The following PCDHGA3 variants were observed in gnomAD, a reference collection of about 807,000 sequenced individuals.
The protein encoded by PCDHGA3 is protocadherin gamma subfamily A, 3.
Under a neutral mutation model 58.5 loss-of-function variants are expected in PCDHGA3, and 40 were observed. The observed-to-expected ratio is 0.68, with a 90% CI of 0.53 to 0.89. The LOEUF (loss-of-function observed/expected upper bound fraction) is 0.89, where lower values mean the gene tolerates loss of function less well. Among genes scored for constraint, PCDHGA3 ranks in the 40% least tolerant of loss-of-function variants. The pLI is 0.00. For synonymous variants in PCDHGA3, 530 were observed against 525.7 expected (o/e 1.01, Z -0.11); for missense variants, 1,223 against 1,195.9 (o/e 1.02, Z -0.33).
intron 1 of PCDHGA3, chr5:141,366,095 A>T: frequency 1.2e-6 from 2 of 1,614,228 alleles, no homozygotes; most frequent in African/African-American, 1.3e-5. Context: ...CTACCTGGTG[A>T]CCAAGGTGGT....
chr5:141,487,459 T>A lies in PCDHGA3; in HGVS notation c.2425-7348T>A. The A allele has an allele frequency of 1.2e-6, 2 of 1,614,102 alleles. No homozygotes were observed. Among genetic ancestry groups the A allele is most frequent in the Non-Finnish European group, 1.7e-6 (2 of 1,180,008 alleles). On this transcript the variant is annotated intron_variant, in intron 1 of 3. Transcript: ENST00000253812. The surrounding 1 kb of genome is among the most constrained non-coding windows in gnomAD (Gnocchi z 5.0). ...TAGGGTCAGATGACCCTATCAAGTT[T>A]GTTGATGTGGGAGGCCACTCTCATG...
chr5:141,360,660 C>A lies in PCDHGA3; in HGVS notation c.2424+14203C>A, dbSNP rs530891991. On this transcript the variant is annotated intron_variant, in intron 1 of 3. Coordinates refer to ENST00000253812, the MANE Select transcript of PCDHGA3 (RefSeq NM_018916.4). Reference sequence around the variant, plus strand: ...TACAAAGATACCACCTTAATGACAACGAGTACTTTGATCTCGCTGAGAAAC... The same window carrying A: ...TACAAAGATACCACCTTAATGACAAAGAGTACTTTGATCTCGCTGAGAAAC... 1.2e-5 allele frequency: 19 copies of A among 1,613,968 alleles called. No individual in the cohort carries two copies. The African/African-American group carries it at 2.4e-4, about 20-fold the overall frequency.
chr5:141,384,897 C>A, intron 1 of PCDHGA3: 1 of 1,613,922 alleles, frequency 6.2e-7, no homozygotes, highest in Non-Finnish European at 8.5e-7. Flanking sequence ...CTGTGGCTGA[C>A]AGCATCCCCG....
chr5:141,491,648 T>G lies in PCDHGA3; in HGVS notation c.2425-3159T>G, dbSNP rs756792762. 1 of 1,613,834 alleles carries G rather than the reference T, an allele frequency of 6.2e-7. No individual in the cohort carries two copies. Among genetic ancestry groups the G allele is most frequent in the Non-Finnish European group, 8.5e-7 (1 of 1,180,002 alleles). On this transcript the variant is annotated intron_variant, in intron 1 of 3. Coordinates refer to ENST00000253812, the MANE Select transcript of PCDHGA3 (RefSeq NM_018916.4). This position sits in a 1 kb window ranked among gnomAD's most constrained non-coding sequence, Gnocchi z 6.9. Reference sequence around the variant, plus strand: ...GTTCAGCAGCCCACAGCTCTGGCGCTGGAGCCTGACGCCATCCGGTCCCGC... The same window carrying G: ...GTTCAGCAGCCCACAGCTCTGGCGCGGGAGCCTGACGCCATCCGGTCCCGC...
chr5:141,421,782 C>A, intron 1 of PCDHGA3: 1 of 1,613,878 alleles, frequency 6.2e-7, no homozygotes, highest in Non-Finnish European at 8.5e-7. Context: ...AACTGCGGGG[C>A]AGAACGGATG....
intron 1 of PCDHGA3, chr5:141,351,145 CG>C: frequency 6.2e-7 from 1 of 1,613,972 alleles, no homozygotes; most frequent in African/African-American, 1.3e-5. Flanking sequence ...CAAATACTGG[CG>C]ACATCACAAC....
chr5:141,347,399 C>T (rs1342826817), intron 1 of PCDHGA3, among the ~76,000 whole-genome samples: 1 of 152,006 alleles, frequency 6.6e-6, no homozygotes, highest in Non-Finnish European at 1.5e-5. Context: ...AAGTGATCTG[C>T]CCACGTCAGC....
intron 1 of PCDHGA3, chr5:141,378,037 A>G (rs898518521): frequency 1.3e-5 from 2 of 152,204 alleles, no homozygotes; most frequent in African/African-American, 4.8e-5. Flanking sequence ...TTAAAACAAG[A>G]CTTTCCTTAT....
chr5:141,351,953 C>A lies in PCDHGA3; in HGVS notation c.2424+5496C>A, dbSNP rs756372194. The A allele has an allele frequency of 6.8e-6, 11 of 1,612,880 alleles. No homozygotes were observed. The highest frequency in any genetic ancestry group is 1.7e-4 in the Middle Eastern group (1 of 5,978). On this transcript the variant is annotated intron_variant, in intron 1 of 3. Transcript: ENST00000253812. ...ACGGGTGCTGTACCCCGCGCTGGGGCCTGATGGCTCCGCCCTCTTCGATAT... is the reference window on the plus strand; with the variant it reads ...ACGGGTGCTGTACCCCGCGCTGGGGACTGATGGCTCCGCCCTCTTCGATAT...
rs1049654933 is a variant in PCDHGA3 at position 141,497,808 on chromosome 5, A to G, written c.2483+2943A>G. 2.6e-5 allele frequency among the ~76,000 whole-genome samples: 4 copies of G among 152,282 alleles called. No homozygotes were observed. The East Asian group carries it at 7.7e-4, about 29-fold the overall frequency. Reference sequence around the variant, plus strand: ...ACCTGCTTCAGCTTCCCAAAGTGCTAGAATTACAGGTGTGATCGCCCCCGG... The same window carrying G: ...ACCTGCTTCAGCTTCCCAAAGTGCTGGAATTACAGGTGTGATCGCCCCCGG... On this transcript the variant is annotated intron_variant, in intron 2 of 3. Coordinates refer to ENST00000253812, the MANE Select transcript of PCDHGA3 (RefSeq NM_018916.4).
intron 1 of PCDHGA3, chr5:141,395,542 TTGTG>T (rs55729045): frequency 0.22 from 37,255 of 170,042 alleles, 4,387 homozygotes; most frequent in East Asian, 0.36. Flanking sequence ...TTGCTATTGT[TTGTG>T]TGTGTGTGTG....
At chr5:141,449,282 G>A (rs1285842278) in intron 1 of PCDHGA3, among the ~76,000 whole-genome samples, 17 of 152,002 alleles carry the variant, frequency 1.1e-4, no homozygotes, top group Admixed American at 4.6e-4. Context: ...CCTTCACCCG[G>A]ATGCACCGGG....
intron 1 of PCDHGA3, chr5:141,409,602 C>T (rs940700383): frequency 6.2e-7 from 1 of 1,613,932 alleles, no homozygotes; most frequent in South Asian, 1.1e-5. Flanking sequence ...AACAACCCGC[C>T]AGGAGCCTCC....
chr5:141,361,838 G>C (rs761837286), intron 1 of PCDHGA3: 61 of 1,612,714 alleles, frequency 3.8e-5, no homozygotes, highest in Non-Finnish European at 4.9e-5. Flanking sequence ...CCCGCGCTGG[G>C]GCCTGATGGC....
chr5:141,476,453 G>C lies in PCDHGA3; in HGVS notation c.2425-18354G>C. On this transcript the variant is annotated intron_variant, in intron 1 of 3. Coordinates refer to ENST00000253812, the MANE Select transcript of PCDHGA3 (RefSeq NM_018916.4). This position sits in a 1 kb window ranked among gnomAD's most constrained non-coding sequence, Gnocchi z 7.6. The stretch of plus-strand genomic sequence containing the variant: ...CACTGTAACTCTGGAGTTGGTAGTG[G>C]AGAACCCGCTGGAGCTGTTCAGCGT... 2 of 1,614,138 alleles carry C rather than the reference G, an allele frequency of 1.2e-6. No homozygotes were observed. Among genetic ancestry groups the C allele is most frequent in the Non-Finnish European group, 1.7e-6 (2 of 1,180,022 alleles).
chr5:141,424,391 C>T (rs2096818270), intron 1 of PCDHGA3: 1 of 152,106 alleles, frequency 6.6e-6, no homozygotes, highest in South Asian at 2.1e-4. Flanking sequence ...GATGTCTTTT[C>T]CATTACTATG....
chr5:141,431,736 G>T lies in PCDHGA3; in HGVS notation c.2425-63071G>T. On this transcript the variant is annotated intron_variant, in intron 1 of 3. Transcript: ENST00000253812. The surrounding 1 kb of genome is among the most constrained non-coding windows in gnomAD (Gnocchi z 4.8). ...GAAGTGCAAGCAATGGATAATGCAG[G>T]ATATTCTGCGCGAGCCAAAGTCCTG... 1 of 1,614,218 alleles carries T rather than the reference G, an allele frequency of 6.2e-7. No individual in the cohort carries two copies. The highest frequency in any genetic ancestry group is 8.5e-7 in the Non-Finnish European group (1 of 1,180,046).
chr5:141,370,824 G>C, intron 1 of PCDHGA3: 1 of 1,613,996 alleles, frequency 6.2e-7, no homozygotes, highest in Non-Finnish European at 8.5e-7. Flanking sequence ...GGAAATCAGC[G>C]AACTGGCTCT....
chr5:141,430,383 G>GAA (rs139772145), intron 1 of PCDHGA3, among the ~76,000 whole-genome samples: 39 of 138,602 alleles, frequency 2.8e-4, no homozygotes, highest in African/African-American at 7.9e-4. Context: ...AGCTCATTGG[G>GAA]AAAAAAAAAA....
Sources: gnomAD v4.1 joint callset for allele counts (sites outside exome capture counted in the v4.1 genomes callset) on GRCh38, gnomAD v4.1.1 for gene constraint, Gnocchi (gnomAD v3.1) non-coding constraint, MANE v1.5 for transcripts, NCBI Gene and HGNC (gene_info 2026-07-23, HGNC 2026-07-21) for gene names.